The following DCP1A variants were observed in gnomAD, a reference collection of about 807,000 sequenced individuals.
DCP1A encodes mRNA-decapping enzyme 1A.
DCP1A carries 20 observed loss-of-function variants against 58.0 expected under a neutral mutation model. The observed-to-expected ratio is 0.34, with a 90% confidence interval of 0.24 to 0.50. The LOEUF (loss-of-function observed/expected upper bound fraction) is 0.50. Ranked by LOEUF, DCP1A falls within the 20% of genes least tolerant of loss-of-function variation. The pLI is 0.98. For synonymous variants in DCP1A, 285 were observed against 275.1 expected (o/e 1.04, Z -0.36); for missense variants, 613 against 712.2 (o/e 0.86, Z 1.59).
At chr3:53,288,452 G>C in intron 8 of DCP1A, 169 bp from the exon 9 acceptor site, 2 of 602,160 alleles carry the variant, frequency 3.3e-6, no homozygotes, top group African/African-American at 3.7e-5. Context: ...TCTGACATCT[G>C]GTTATAAACT....
At chr3:53,299,051 T>C (rs1198125629) in intron 6 of DCP1A, among the ~76,000 whole-genome samples, 2 of 151,972 alleles carry the variant, frequency 1.3e-5, no homozygotes, top group African/African-American at 4.8e-5. Flanking sequence ...ATACACTCTA[T>C]GATGTTCGGA....
intron 3 of DCP1A, among the ~76,000 whole-genome samples, chr3:53,337,931 C>T (rs1194365165): frequency 6.6e-6 from 1 of 152,196 alleles, no homozygotes; most frequent in African/African-American, 2.4e-5. Context: ...ACAGTGCTGA[C>T]ACGGAACTAT....
At chr3:53,342,104 A>G (rs1553692593) in intron 3 of DCP1A, 40 bp downstream of exon 3, 4 of 1,522,938 alleles carry the variant, frequency 2.6e-6, no homozygotes, top group Non-Finnish European at 2.7e-6. Flanking sequence ...AAGTCACTCA[A>G]TTTTAAATGT....
chr3:53,322,170 C>T (rs782373255), intron 3 of DCP1A, among the ~76,000 whole-genome samples: 1 of 151,974 alleles, frequency 6.6e-6, no homozygotes, highest in African/African-American at 2.4e-5. Context: ...GTTTCCTTCT[C>T]GGCTGGGCAC....
intron 3 of DCP1A, chr3:53,329,386 T>C (rs1283151545): frequency 7.5e-6 from 3 of 398,450 alleles, no homozygotes; most frequent in African/African-American, 4.1e-5. Flanking sequence ...ATGCCCGATA[T>C]AAAGGAAAAG....
rs529366783 is a variant in DCP1A at position 53,344,130 on chromosome 3, C to A, written c.176+772G>T. Among the ~76,000 whole-genome samples the A allele has an allele frequency of 1.6e-4, 24 of 151,210 alleles. No homozygotes were observed. In the South Asian group the frequency reaches 5.0e-3, roughly 32 times the overall value. On this transcript the variant is annotated intron_variant, in intron 2 of 9. Coordinates refer to ENST00000610213, the MANE Select transcript of DCP1A (RefSeq NM_018403.7). The stretch of plus-strand genomic sequence containing the variant: ...ATGGAGAAAGGCAATCCTTATGAAG[C>A]AACTCAATACAAAAAAAAAAGGGAA...
intron 6 of DCP1A, among the ~76,000 whole-genome samples, chr3:53,300,830 TAG>T (rs1382484706): frequency 6.6e-6 from 1 of 152,144 alleles, no homozygotes; most frequent in Non-Finnish European, 1.5e-5. Context: ...GTATTTTTAT[TAG>T]AGACAGGGTT....
chr3:53,287,469 A>T lies in DCP1A; in HGVS notation c.*111T>A. The T allele has an allele frequency of 1.5e-6, 1 of 666,868 alleles. No homozygotes were observed. The highest frequency in any genetic ancestry group is 2.3e-5 in the South Asian group (1 of 44,084). 41.3% of individuals were successfully genotyped at this position (666,868 alleles called of 1,614,324 possible). Reference sequence around the variant, plus strand: ...TTCTTAAGAAATGAGTCTCTTTCTCATAGGCTCAATTTCAGGATTCTCAAA... The same window carrying T: ...TTCTTAAGAAATGAGTCTCTTTCTCTTAGGCTCAATTTCAGGATTCTCAAA... On this transcript the variant is annotated 3_prime_UTR_variant, in exon 10 of 10. Transcript: ENST00000610213.
At chr3:53,315,196 G>A (rs1707765399) in intron 4 of DCP1A, among the ~76,000 whole-genome samples, 1 of 152,048 alleles carries the variant, frequency 6.6e-6, no homozygotes, top group Non-Finnish European at 1.5e-5. Context: ...GTTCTCCAAA[G>A]TTTACATAGT....
chr3:53,294,085 G>A lies in DCP1A; in HGVS notation c.625-1258C>T, dbSNP rs1358166291. 3.9e-5 allele frequency among the ~76,000 whole-genome samples: 6 copies of A among 152,220 alleles called. No homozygotes were observed. The East Asian group carries it at 1.2e-3, about 29-fold the overall frequency. On this transcript the variant is annotated intron_variant, in intron 6 of 9. Transcript: ENST00000610213. ...TCAGCACAGCTGGATCAGAGGCTGGGTAGGAGGGTGACAGGGAAAGAGAGA... is the reference window on the plus strand; with the variant it reads ...TCAGCACAGCTGGATCAGAGGCTGGATAGGAGGGTGACAGGGAAAGAGAGA...
chr3:53,288,051 G>A lies in DCP1A; in HGVS notation c.1668+14C>T. On this transcript the variant is annotated intron_variant, in intron 9 of 9. Coordinates refer to ENST00000610213, the MANE Select transcript of DCP1A (RefSeq NM_018403.7). ...ATAATGAAAAATCAAAGATAAAATTGGTATCCTACATACCTTTATTAGATG... is the reference window on the plus strand; with the variant it reads ...ATAATGAAAAATCAAAGATAAAATTAGTATCCTACATACCTTTATTAGATG... 1 of 1,575,562 alleles carries A rather than the reference G, an allele frequency of 6.3e-7. No homozygotes were observed. Among genetic ancestry groups the A allele is most frequent in the Non-Finnish European group, 8.7e-7 (1 of 1,152,786 alleles).
chr3:53,292,353 T>C lies in DCP1A; in HGVS notation c.1099A>G (p.Ser367Gly). 2 of 1,612,824 alleles carry C rather than the reference T, an allele frequency of 1.2e-6. No individual in the cohort carries two copies. Among genetic ancestry groups the C allele is most frequent in the Non-Finnish European group, 1.7e-6 (2 of 1,178,954 alleles). Residue 367 changes from serine (S) to glycine (G), a missense_variant, in exon 7 of 10, where the codon AGT becomes GGT. Ser to Gly is a moderately conservative substitution (Grantham distance 56, BLOSUM62 0). This residue lies in a region of DCP1A where 498 missense variants were observed against 556.7 expected (regional missense o/e 0.89). Transcript: ENST00000610213. ...AAGGGGCTCTGGTTGGCAATCAGAC[T>C]GGCATGGCTTAGCTCAGGGACTGGC... The part of the protein sequence containing the change: ...NQPVPELSHA[S>G]LIANQSPFRA...
chr3:53,319,986 C>T (rs1252712281), intron 3 of DCP1A, among the ~76,000 whole-genome samples: 3 of 151,918 alleles, frequency 2.0e-5, no homozygotes, highest in African/African-American at 4.8e-5. Context: ...AAAAATTAGC[C>T]AGCTGTGGTG....
intron 5 of DCP1A, among the ~76,000 whole-genome samples, chr3:53,306,763 TC>T (rs1440801705): frequency 1.1e-5 from 1 of 90,494 alleles, no homozygotes; most frequent in Admixed American, 1.6e-4. Flanking sequence ...AGTGCAAGAC[TC>T]CGTCTCAAAA....
chr3:53,334,776 G>A (rs1209434244), intron 3 of DCP1A, among the ~76,000 whole-genome samples: 3 of 152,168 alleles, frequency 2.0e-5, no homozygotes, highest in Non-Finnish European at 4.4e-5. Flanking sequence ...CGCTGCAAAT[G>A]CTCAATAGAC....
At chr3:53,332,427 T>C (rs1226531023) in intron 3 of DCP1A, among the ~76,000 whole-genome samples, 1 of 152,246 alleles carries the variant, frequency 6.6e-6, no homozygotes, top group Admixed American at 6.5e-5. Flanking sequence ...AGTGGCTTCT[T>C]GTTTTTAAAA....
chr3:53,302,149 C>G (rs1290372577), intron 6 of DCP1A, among the ~76,000 whole-genome samples: 2 of 152,142 alleles, frequency 1.3e-5, no homozygotes, highest in Admixed American at 6.5e-5. Context: ...ATCTGAACAA[C>G]ATGTGTGGAT....
chr3:53,287,538 C>A lies in DCP1A; in HGVS notation c.*42G>T, dbSNP rs374749626. The stretch of plus-strand genomic sequence containing the variant: ...AGTTTCCATGATGAAGCCTATTTGT[C>A]TCTGAGGCTGGGGCTCTGCCTTTAG... On this transcript the variant is annotated 3_prime_UTR_variant, in exon 10 of 10. Coordinates refer to ENST00000610213, the MANE Select transcript of DCP1A (RefSeq NM_018403.7). 9.2e-5 allele frequency: 128 copies of A among 1,397,980 alleles called. No homozygotes were observed. The highest frequency in any genetic ancestry group is 1.1e-4 in the Non-Finnish European group (110 of 985,468). 86.6% of individuals were successfully genotyped at this position (1,397,980 alleles called of 1,614,324 possible).
chr3:53,312,591 G>A (rs1340468544), intron 4 of DCP1A, among the ~76,000 whole-genome samples: 1 of 150,968 alleles, frequency 6.6e-6, no homozygotes, highest in Non-Finnish European at 1.5e-5. Flanking sequence ...CACCTCCTGG[G>A]TTCACACCAT....
Sources: gnomAD v4.1 joint callset for allele counts (sites outside exome capture counted in the v4.1 genomes callset) on GRCh38, gnomAD v4.1.1 for gene constraint, gnomAD v4.1.1 regional missense constraint, MANE v1.5 for transcripts, NCBI Gene and HGNC (gene_info 2026-07-23, HGNC 2026-07-21) for gene names.